Variants in ASCC3 observed in about 807,000 individuals in gnomAD.
ASCC3 encodes activating signal cointegrator 1 complex subunit 3, also known as ASC-1 complex subunit P200.
A neutral mutation model predicts 256.3 loss-of-function variants in ASCC3; 158 were observed. That is an observed-to-expected ratio of 0.62 (90% CI 0.54 to 0.70). ASCC3 has a LOEUF of 0.70. Among genes scored for constraint, ASCC3 ranks in the 30% least tolerant of loss-of-function variants. The pLI is 0.00. For synonymous variants in ASCC3, 948 were observed against 883.4 expected (o/e 1.07, Z -1.30); for missense variants, 2,259 against 2,626.0 (o/e 0.86, Z 3.05).
intron 2 of ASCC3, among the ~76,000 whole-genome samples, chr6:100,865,960 T>TTATG (rs1334625897): frequency 6.7e-6 from 1 of 149,778 alleles, no homozygotes; most frequent in Non-Finnish European, 1.5e-5. Flanking sequence ...TTTCATTTAT[T>TTATG]TATTTATTTA....
chr6:100,837,149 AATG>A (rs539499587), intron 4 of ASCC3, among the ~76,000 whole-genome samples: 132 of 152,238 alleles, frequency 8.7e-4, no homozygotes, highest in African/African-American at 3.0e-3. Context: ...TCATCAGGGA[AATG>A]CAAATCAAAA....
chr6:100,532,075 G>A (rs1282758622), intron 37 of ASCC3, among the ~76,000 whole-genome samples: 1 of 151,210 alleles, frequency 6.6e-6, no homozygotes, highest in Non-Finnish European at 1.5e-5. Context: ...TTTTGAAAAT[G>A]GTTGTGATGA....
intron 4 of ASCC3, among the ~76,000 whole-genome samples, chr6:100,820,044 GAA>G (rs1770960716): frequency 6.6e-6 from 1 of 152,182 alleles, no homozygotes; most frequent in African/African-American, 2.4e-5. Flanking sequence ...ACTAGAACCA[GAA>G]GACTACTGCT....
intron 4 of ASCC3, among the ~76,000 whole-genome samples, chr6:100,811,852 T>A (rs1432471570): frequency 6.6e-6 from 1 of 152,142 alleles, no homozygotes. Flanking sequence ...TCAGGATAAA[T>A]GTCAACACTG....
chr6:100,625,630 C>G (rs1400202449), intron 29 of ASCC3, among the ~76,000 whole-genome samples: 1 of 151,964 alleles, frequency 6.6e-6, no homozygotes, highest in East Asian at 1.9e-4. Flanking sequence ...CTGAGACTCT[C>G]CATTAAGAGC....
chr6:100,514,693 T>C (rs978826874), intron 39 of ASCC3, among the ~76,000 whole-genome samples: 6 of 152,098 alleles, frequency 3.9e-5, no homozygotes, highest in African/African-American at 1.4e-4. Flanking sequence ...GCCAAACATA[T>C]TTATCTGAGG....
chr6:100,648,415 C>G (rs1394794201), intron 20 of ASCC3, among the ~76,000 whole-genome samples: 2 of 151,906 alleles, frequency 1.3e-5, no homozygotes, highest in African/African-American at 4.8e-5. Context: ...ACAAGAGATA[C>G]AAAACTGAAA....
At chr6:100,750,170 A>C (rs1443208801) in intron 10 of ASCC3, among the ~76,000 whole-genome samples, 1 of 151,968 alleles carries the variant, frequency 6.6e-6, no homozygotes, top group African/African-American at 2.4e-5. Flanking sequence ...ATTGCCCCAA[A>C]CTATCAAGCT....
At chr6:100,620,538 G>A (rs147149313) in intron 30 of ASCC3, among the ~76,000 whole-genome samples, 173 of 152,214 alleles carry the variant, frequency 1.1e-3, no homozygotes, top group Non-Finnish European at 1.7e-3. Flanking sequence ...AGCCTCTTGT[G>A]ATCTACCCTA....
intron 34 of ASCC3, among the ~76,000 whole-genome samples, chr6:100,591,990 G>T (rs1201446394): frequency 1.3e-5 from 2 of 151,242 alleles, no homozygotes; most frequent in African/African-American, 4.8e-5. Flanking sequence ...TTTGTTTACT[G>T]TATTTACAAG....
At chr6:100,726,325 A>C (rs1779625663) in intron 10 of ASCC3, among the ~76,000 whole-genome samples, 1 of 151,988 alleles carries the variant, frequency 6.6e-6, no homozygotes, top group African/African-American at 2.4e-5. Flanking sequence ...AAATATTAGG[A>C]GAGGTACAAA....
chr6:100,577,441 C>T (rs901075757), intron 36 of ASCC3, among the ~76,000 whole-genome samples: 1 of 152,060 alleles, frequency 6.6e-6, no homozygotes, highest in Non-Finnish European at 1.5e-5. Flanking sequence ...TTCTAACATT[C>T]GAGTAACTCA....
At chr6:100,723,880 A>AT (rs2115035864) in intron 11 of ASCC3, among the ~76,000 whole-genome samples, 1 of 134,778 alleles carries the variant, frequency 7.4e-6, no homozygotes, top group East Asian at 2.1e-4. Flanking sequence ...ATATATATAT[A>AT]TATATATATA....
intron 13 of ASCC3, among the ~76,000 whole-genome samples, chr6:100,701,896 C>T (rs1308623230): frequency 1.3e-5 from 2 of 151,748 alleles, no homozygotes; most frequent in Admixed American, 6.6e-5. Context: ...AGTAAAAGAG[C>T]ATCACTATGA....
At chr6:100,529,707 A>G (rs1203884850) in intron 37 of ASCC3, among the ~76,000 whole-genome samples, 2 of 152,216 alleles carry the variant, frequency 1.3e-5, no homozygotes, top group Non-Finnish European at 2.9e-5. Context: ...AAATCCATCA[A>G]TATAGGACAA....
At chr6:100,585,280 T>G (rs1203169278) in intron 36 of ASCC3, among the ~76,000 whole-genome samples, 2 of 152,200 alleles carry the variant, frequency 1.3e-5, no homozygotes, top group African/African-American at 4.8e-5. Context: ...TGTTCGTTTC[T>G]TTTTATTCTT....
intron 2 of ASCC3, among the ~76,000 whole-genome samples, chr6:100,867,261 A>C (rs1461562690): frequency 6.6e-6 from 1 of 152,200 alleles, no homozygotes; most frequent in Non-Finnish European, 1.5e-5. Flanking sequence ...AACTCATATA[A>C]GGAAACTTTT....
rs1771922182 is a variant in ASCC3 at position 100,590,031 on chromosome 6, C to G, written c.5332G>C (p.Asp1778His). ...SYYNLGDVSH[D>H]SVNKFLSHLI... Reference sequence around the variant, plus strand: ...TGGGACAGAAACTTGTTCACAGAATCATGGCTCACATCACCCAAATTGTAA... The same window carrying G: ...TGGGACAGAAACTTGTTCACAGAATGATGGCTCACATCACCCAAATTGTAA... The change falls in exon 35 of 42, where the codon GAT (aspartate) becomes CAT (histidine). Residue 1778 changes from aspartate (D) to histidine (H), a missense_variant. Physicochemically the swap from Asp to His is moderately conservative, Grantham distance 81. This residue lies in a region of ASCC3 where 1,839 missense variants were observed against 2,206.7 expected (regional missense o/e 0.83). Transcript: ENST00000369162. 9.9e-6 allele frequency: 16 copies of G among 1,613,396 alleles called. No individual in the cohort carries two copies. The highest frequency in any genetic ancestry group is 1.4e-5 in the Non-Finnish European group (16 of 1,179,590).
At position 100,718,214 on chromosome 6, in the gene ASCC3, A is replaced by G; in HGVS notation, c.1940T>C (p.Leu647Pro). Reference sequence around the variant, plus strand: ...GAGGTAGTTAGGTAAAGTTGCAGACAGTCCGAGAATCCTTATCATACTCTG... The same window carrying G: ...GAGGTAGTTAGGTAAAGTTGCAGACGGTCCGAGAATCCTTATCATACTCTG... ...STQSMIRILG[L>P]SATLPNYLDV... Residue 647 changes from leucine (L) to proline (P), a missense_variant, in exon 12 of 42, where the codon CTG becomes CCG. Physicochemically the swap from Leu to Pro is moderately conservative, Grantham distance 98 (BLOSUM62 -3). Transcript: ENST00000369162. 6.2e-7 allele frequency: 1 copy of G among 1,612,714 alleles called. No individual in the cohort carries two copies. The highest frequency in any genetic ancestry group is 1.7e-5 in the Admixed American group (1 of 59,954).
Sources: gnomAD v4.1 joint callset for allele counts (sites outside exome capture counted in the v4.1 genomes callset) on GRCh38, gnomAD v4.1.1 for gene constraint, gnomAD v4.1.1 regional missense constraint, MANE v1.5 for transcripts, NCBI Gene and HGNC (gene_info 2026-07-23, HGNC 2026-07-21) for gene names.